The following PLEKHM1 variants were observed in gnomAD, a reference collection of about 807,000 sequenced individuals.
PLEKHM1 encodes pleckstrin homology domain-containing family M member 1.
A neutral mutation model predicts 94.3 loss-of-function variants in PLEKHM1; 28 were observed. That is an observed-to-expected ratio of 0.30 (90% CI 0.22 to 0.41). PLEKHM1 has a LOEUF of 0.41. PLEKHM1 is among the 10% of genes least tolerant of loss of function. PLEKHM1 has a pLI of 1.00. For missense variants in PLEKHM1, 907 were observed against 1,358.6 expected (o/e 0.67, Z 5.22); for synonymous variants, 424 against 581.2 (o/e 0.73, Z 3.89).
At chr17:45,452,764 GC>G (rs2050809852) in intron 7 of PLEKHM1, 1 of 166,610 alleles carries the variant, frequency 6.0e-6, no homozygotes, top group African/African-American at 2.4e-5. Flanking sequence ...GCAGCCAAGA[GC>G]CCCGTGTGTC....
chr17:45,449,952 A>T (rs2050725223), intron 8 of PLEKHM1, among the ~76,000 whole-genome samples: 1 of 126,630 alleles, frequency 7.9e-6, no homozygotes, highest in Non-Finnish European at 1.7e-5. Context: ...CTACCCATCC[A>T]CCCACCCACC....
chr17:45,477,229 G>C (rs1358998998), intron 3 of PLEKHM1: 8 of 159,876 alleles, frequency 5.0e-5, no homozygotes, highest in Admixed American at 3.5e-4. Context: ...AAGGTCAGGA[G>C]TTTGAGAGCA....
chr17:45,442,808 G>A (rs2050489230), intron 9 of PLEKHM1, among the ~76,000 whole-genome samples: 1 of 152,042 alleles, frequency 6.6e-6, no homozygotes, highest in Non-Finnish European at 1.5e-5. Flanking sequence ...CAAAGGCCTC[G>A]AGGGCCCTTT....
chr17:45,490,575 G>A (rs2052282939), intron 1 of PLEKHM1, 77 bp downstream of exon 1: 3 of 410,762 alleles, frequency 7.3e-6, no homozygotes, highest in Non-Finnish European at 1.5e-5. Context: ...GGAGGGAGCG[G>A]GAGGCCCACC....
intron 6 of PLEKHM1, chr17:45,454,655 G>A (rs1263556280): frequency 2.3e-6 from 1 of 430,710 alleles, no homozygotes; most frequent in African/African-American, 2.0e-5. Context: ...TCAAGGACAA[G>A]GAGCAGTCCT....
chr17:45,474,072 T>C (rs962281937), intron 4 of PLEKHM1, among the ~76,000 whole-genome samples: 11 of 151,300 alleles, frequency 7.3e-5, no homozygotes, highest in African/African-American at 2.7e-4. Context: ...ATTTTTTTTT[T>C]TTGAGACAGA....
intron 4 of PLEKHM1, among the ~76,000 whole-genome samples, chr17:45,474,027 T>C (rs1435963255): frequency 6.6e-6 from 1 of 151,620 alleles, no homozygotes; most frequent in African/African-American, 2.4e-5. Context: ...ATAAAAAGAT[T>C]ATCTATGCAA....
At chr17:45,467,605 A>G (rs914518517) in intron 5 of PLEKHM1, among the ~76,000 whole-genome samples, 1 of 152,134 alleles carries the variant, frequency 6.6e-6, no homozygotes, top group Admixed American at 6.5e-5. Flanking sequence ...TACTAAAAAC[A>G]CAAAACTTAG....
rs1172159071 is a variant in PLEKHM1, at chr17:45,437,185, T to G, written c.*673A>C. 2 of 451,758 alleles carry G rather than the reference T, an allele frequency of 4.4e-6. No individual in the cohort carries two copies. The allele number at this position is 451,758 out of a possible 1,614,324, so 28.0% of individuals were successfully genotyped here. On this transcript the variant is annotated 3_prime_UTR_variant, in exon 12 of 12. Transcript: ENST00000430334. The surrounding 1 kb of genome is among the most constrained non-coding windows in gnomAD (Gnocchi z 4.0). ...GCTCAGCAGGCGAGACGCACTGGGG[T>G]GGGGAGTAAAGAGGACACAGAGGAA...
At position 45,454,360 on chromosome 17, in the gene PLEKHM1, G is replaced by C. The variant is rs542026164; in HGVS notation, c.1580-88C>G. ...AGCCTCTGCTGCCTGATGCCCTGCA[G>C]TGCATGTGGCCAGTGACTGTCCCCA... On this transcript the variant is annotated intron_variant, in intron 6 of 11. Transcript: ENST00000430334. The C allele has an allele frequency of 1.4e-4, 175 of 1,227,466 alleles. 1 individual carries two copies. In the African/African-American group the frequency reaches 2.3e-3, roughly 16 times the overall value. 76.0% of individuals were successfully genotyped at this position (1,227,466 alleles called of 1,614,324 possible).
At chr17:45,482,296 C>A in intron 2 of PLEKHM1, 141 bp downstream of exon 2, 2 of 552,888 alleles carry the variant, frequency 3.6e-6, no homozygotes, top group Non-Finnish European at 3.5e-6. Context: ...AAGACAGGGT[C>A]TCCTCAGAGC....
chr17:45,437,852 T>C lies in PLEKHM1; in HGVS notation c.*6A>G, dbSNP rs530064519. 157 of 1,610,394 alleles carry C rather than the reference T, an allele frequency of 9.7e-5. No homozygotes were observed. The highest frequency in any genetic ancestry group is 1.3e-4 in the Non-Finnish European group (150 of 1,176,862). On this transcript the variant is annotated 3_prime_UTR_variant, in exon 12 of 12. Coordinates refer to ENST00000430334, the MANE Select transcript of PLEKHM1 (RefSeq NM_014798.3). The surrounding 1 kb of genome is among the most constrained non-coding windows in gnomAD (Gnocchi z 4.0). ...CGGCTTTCAGAGCGGGGTCAGCAGA[T>C]GGGCATCAGGCGAAAATGTTCTGTT...
intron 5 of PLEKHM1, among the ~76,000 whole-genome samples, chr17:45,464,667 C>T (rs1382039258): frequency 2.0e-5 from 3 of 152,034 alleles, no homozygotes; most frequent in African/African-American, 4.8e-5. Flanking sequence ...ATTCTCACAT[C>T]GGATTCAGCA....
rs1329276204 is a variant in PLEKHM1, at chr17:45,477,502, C to A, written c.296+398G>T. On this transcript the variant is annotated intron_variant, in intron 3 of 11. Transcript: ENST00000430334. ...TAAGGCAGGGTCAGCAAATCCAAGGCAGGGTCAGCCCTTCTGTAAAGGGCC... is the reference window on the plus strand; with the variant it reads ...TAAGGCAGGGTCAGCAAATCCAAGGAAGGGTCAGCCCTTCTGTAAAGGGCC... 3 of 278,480 alleles carry A rather than the reference C, an allele frequency of 1.1e-5. No individual in the cohort carries two copies. The East Asian group carries it at 2.5e-4, about 23-fold the overall frequency. 17.3% of individuals were successfully genotyped at this position (278,480 alleles called of 1,614,324 possible).
At position 45,437,737 on chromosome 17, in the gene PLEKHM1, G is replaced by T. The variant is rs1349715124; in HGVS notation, c.*121C>A. 3.7e-6 allele frequency: 3 copies of T among 819,068 alleles called. No individual in the cohort carries two copies. The African/African-American group carries it at 5.0e-5, about 14-fold the overall frequency. The allele number at this position is 819,068 out of a possible 1,614,324, so 50.7% of individuals were successfully genotyped here. A position where few individuals can be genotyped will look rare whatever the true frequency, so the allele number is the denominator to read the frequency against. ...GCCGGTGCTCTGGCCACATCTGAGG[G>T]TCTTCCTGACAAGGGGACACAGCTG... On this transcript the variant is annotated 3_prime_UTR_variant, in exon 12 of 12. Coordinates refer to ENST00000430334, the MANE Select transcript of PLEKHM1 (RefSeq NM_014798.3). This position sits in a 1 kb window ranked among gnomAD's most constrained non-coding sequence, Gnocchi z 4.0.
intron 1 of PLEKHM1, among the ~76,000 whole-genome samples, chr17:45,488,335 G>A (rs1258609910): frequency 2.0e-5 from 3 of 152,140 alleles, no homozygotes; most frequent in Non-Finnish European, 4.4e-5. Flanking sequence ...TGTATTTCTA[G>A]TACCTGGAAC....
chr17:45,478,201 C>T (rs1597997905), intron 2 of PLEKHM1, 54 bp from the exon 3 acceptor site: 1 of 1,611,788 alleles, frequency 6.2e-7, no homozygotes, highest in Admixed American at 1.7e-5. Flanking sequence ...TATGGAGAGT[C>T]CCTAGAGTGT....
chr17:45,450,976 GA>G (rs1293161450), intron 7 of PLEKHM1, among the ~76,000 whole-genome samples: 1 of 144,144 alleles, frequency 6.9e-6, no homozygotes, highest in Non-Finnish European at 1.5e-5. Flanking sequence ...TTTTACAGCT[GA>G]AGAAATGGAT....
At chr17:45,443,433 T>G (rs1044855268) in intron 9 of PLEKHM1, among the ~76,000 whole-genome samples, 3 of 152,214 alleles carry the variant, frequency 2.0e-5, no homozygotes, top group African/African-American at 7.2e-5. Context: ...CCTCCCACAC[T>G]CTTTCCCCTG....
Sources: gnomAD v4.1 joint callset for allele counts (sites outside exome capture counted in the v4.1 genomes callset) on GRCh38, gnomAD v4.1.1 for gene constraint, Gnocchi (gnomAD v3.1) non-coding constraint, MANE v1.5 for transcripts, NCBI Gene and HGNC (gene_info 2026-07-23, HGNC 2026-07-21) for gene names.